The following MACROD2 variants were observed in gnomAD, a reference collection of about 807,000 sequenced individuals.
MACROD2 encodes ADP-ribose glycohydrolase MACROD2.
A neutral mutation model predicts 70.4 loss-of-function variants in MACROD2; 36 were observed. The ratio of observed to expected loss-of-function variants is 0.51; its 90% confidence interval spans 0.39 to 0.68. The LOEUF (loss-of-function observed/expected upper bound fraction) is 0.68, where lower values mean the gene tolerates loss of function less well. Ranked by LOEUF, MACROD2 falls within the 30% of genes least tolerant of loss-of-function variation. The pLI is 0.00. For synonymous variants in MACROD2, 172 were observed against 178.8 expected (o/e 0.96, Z 0.30); for missense variants, 496 against 538.4 (o/e 0.92, Z 0.78).
At chr20:14,602,916 T>C (rs1982585975) in intron 4 of MACROD2, among the ~76,000 whole-genome samples, 1 of 152,178 alleles carries the variant, frequency 6.6e-6, no homozygotes, top group Admixed American at 6.6e-5. Context: ...CCCTCTGACC[T>C]AATGGGAATA....
In MACROD2 at chr20:15,391,635, A is replaced by G. The variant is rs113686186; in HGVS notation, c.541-39770A>G. 4.4e-3 allele frequency among the ~76,000 whole-genome samples: 666 copies of G among 152,314 alleles called. 6 individuals carry two copies. The highest frequency in any genetic ancestry group is 0.016 in the African/African-American group (646 of 41,572). ...TTATTGGGATTTCTGGGAAGTCACC[A>G]AGATCTTCCATTAACCCCCAAATGT... On this transcript the variant is annotated intron_variant, in intron 6 of 17. Coordinates refer to ENST00000684519, the MANE Select transcript of MACROD2 (RefSeq NM_001351661.2).
intron 8 of MACROD2, among the ~76,000 whole-genome samples, chr20:15,530,482 C>G (rs2047781167): frequency 6.6e-6 from 1 of 151,948 alleles, no homozygotes; most frequent in South Asian, 2.1e-4. Context: ...CCTGTAATCC[C>G]AGCACTTTGG....
intron 3 of MACROD2, among the ~76,000 whole-genome samples, chr20:14,094,572 A>C (rs191328858): frequency 3.0e-4 from 46 of 152,160 alleles, no homozygotes; most frequent in Non-Finnish European, 4.9e-4. Flanking sequence ...CTTGAATGTT[A>C]ATTTTCCTTT....
chr20:15,304,462 C>T (rs1165973340), intron 6 of MACROD2, among the ~76,000 whole-genome samples: 1 of 152,086 alleles, frequency 6.6e-6, no homozygotes, highest in Admixed American at 6.6e-5. Flanking sequence ...CATTCCTGGA[C>T]GGTATATGGA....
chr20:14,642,226 G>C (rs1202190308), intron 4 of MACROD2, among the ~76,000 whole-genome samples: 1 of 152,110 alleles, frequency 6.6e-6, no homozygotes, highest in African/African-American at 2.4e-5. Flanking sequence ...ACCATTCTCA[G>C]ACTTCATAGA....
chr20:14,098,017 C>A (rs190104190), intron 3 of MACROD2, among the ~76,000 whole-genome samples: 29 of 152,288 alleles, frequency 1.9e-4, no homozygotes, highest in African/African-American at 6.3e-4. Flanking sequence ...GATGTTCAAC[C>A]TGTCGTAGAG....
At chr20:15,470,628 G>A (rs1016082889) in intron 7 of MACROD2, among the ~76,000 whole-genome samples, 3 of 152,054 alleles carry the variant, frequency 2.0e-5, no homozygotes, top group Admixed American at 6.6e-5. Context: ...CAACCCTCAT[G>A]GGCTCTCCCT....
chr20:15,256,562 C>A (rs905809238), intron 6 of MACROD2, among the ~76,000 whole-genome samples: 3 of 151,694 alleles, frequency 2.0e-5, no homozygotes, highest in African/African-American at 7.3e-5. Context: ...TAGTAACTAT[C>A]GAACTGGAAA....
chr20:14,758,870 C>T (rs1198745954), intron 5 of MACROD2, among the ~76,000 whole-genome samples: 2 of 151,844 alleles, frequency 1.3e-5, no homozygotes, highest in Admixed American at 1.3e-4. Context: ...TCATTTTTTT[C>T]TCTCTTTAGG....
chr20:15,892,811 A>G (rs779939163), intron 10 of MACROD2: 1 of 394,952 alleles, frequency 2.5e-6, no homozygotes, highest in Non-Finnish European at 4.5e-6. Context: ...TGAAACTGCA[A>G]TTAAGATTCA....
chr20:14,043,151 C>A (rs2053418124), intron 2 of MACROD2, among the ~76,000 whole-genome samples: 1 of 152,092 alleles, frequency 6.6e-6, no homozygotes, highest in Admixed American at 6.5e-5. Context: ...AACTCTTGGG[C>A]TCAAGCAGTC....
rs145862004 is a variant in MACROD2 at position 15,505,033 on chromosome 20, G to T, written c.645+5186G>T. ...TTAGCCTAAGAAATGTTTTTACAGT[G>T]CCTGTTCTATTGTTCTACCCCAGGG... On this transcript the variant is annotated intron_variant, in intron 8 of 17. Transcript: ENST00000684519. Among the ~76,000 whole-genome samples, 5 of 152,272 alleles carry T rather than the reference G, an allele frequency of 3.3e-5. No individual in the cohort carries two copies. In the East Asian group the frequency reaches 5.8e-4, roughly 18 times the overall value.
chr20:14,498,302 A>G (rs1193777550), intron 4 of MACROD2, among the ~76,000 whole-genome samples: 1 of 152,194 alleles, frequency 6.6e-6, no homozygotes, highest in African/African-American at 2.4e-5. Flanking sequence ...AAAAAAAAAG[A>G]AAAAAAGAAG....
At chr20:14,280,259 A>C (rs1478384125) in intron 3 of MACROD2, among the ~76,000 whole-genome samples, 1 of 152,204 alleles carries the variant, frequency 6.6e-6, no homozygotes, top group African/African-American at 2.4e-5. Context: ...AGGCCAAAGG[A>C]TATCATAATT....
intron 7 of MACROD2, among the ~76,000 whole-genome samples, chr20:15,483,213 A>G (rs1459268553): frequency 6.6e-6 from 1 of 152,112 alleles, no homozygotes; most frequent in African/African-American, 2.4e-5. Context: ...TAGGACTATT[A>G]TTAACTTTGA....
intron 8 of MACROD2, among the ~76,000 whole-genome samples, chr20:15,795,459 G>T (rs1192235355): frequency 6.6e-6 from 1 of 152,018 alleles, no homozygotes; most frequent in African/African-American, 2.4e-5. Context: ...GAGCCAAGGG[G>T]AGTGGGAGGG....
chr20:15,533,108 G>C (rs1283231961), intron 8 of MACROD2, among the ~76,000 whole-genome samples: 1 of 152,102 alleles, frequency 6.6e-6, no homozygotes, highest in African/African-American at 2.4e-5. Context: ...TTCATGCAAA[G>C]CAATAATTCA....
chr20:14,386,039 A>T (rs910891038), intron 3 of MACROD2, among the ~76,000 whole-genome samples: 1 of 152,186 alleles, frequency 6.6e-6, no homozygotes, highest in African/African-American at 2.4e-5. Context: ...TTTGTTAGGT[A>T]CCTAATTTGT....
At chr20:15,786,488 A>G (rs1265179331) in intron 8 of MACROD2, among the ~76,000 whole-genome samples, 2 of 152,258 alleles carry the variant, frequency 1.3e-5, no homozygotes, top group Non-Finnish European at 2.9e-5. Flanking sequence ...TGCTTGATGT[A>G]TTATAGTATC....
Sources: gnomAD v4.1 joint callset for allele counts (sites outside exome capture counted in the v4.1 genomes callset) on GRCh38, gnomAD v4.1.1 for gene constraint, MANE v1.5 for transcripts, NCBI Gene and HGNC (gene_info 2026-07-23, HGNC 2026-07-21) for gene names.